The following GABRB2 variants were observed in gnomAD, a reference collection of about 807,000 sequenced individuals.
GABRB2 encodes gamma-aminobutyric acid receptor subunit beta-2.
A neutral mutation model predicts 54.7 loss-of-function variants in GABRB2; 16 were observed. The ratio of observed to expected loss-of-function variants is 0.29; its 90% CI spans 0.20 to 0.44. The LOEUF (loss-of-function observed/expected upper bound fraction) is 0.44, where lower values mean the gene tolerates loss of function less well. GABRB2 is among the 20% of genes least tolerant of loss of function. The pLI, the probability that GABRB2 is intolerant of heterozygous loss-of-function variation, is 1.00. For synonymous variants in GABRB2, 244 were observed against 233.8 expected (o/e 1.04, Z -0.40); for missense variants, 355 against 644.0 (o/e 0.55, Z 4.86).
rs946070346 is a variant in GABRB2, at chr5:161,292,955, T to G, written c.*1126A>C. The G allele has an allele frequency of 2.6e-5, 4 of 152,164 alleles. No individual in the cohort carries two copies. Among genetic ancestry groups the G allele is most frequent in the Non-Finnish European group, 4.4e-5 (3 of 68,036 alleles). The allele number at this position is 152,164 out of a possible 1,614,324, so 9.4% of individuals were successfully genotyped here. On this transcript the variant is annotated 3_prime_UTR_variant, in exon 10 of 10. Transcript: ENST00000393959. ...CTTTAAAGTGATGAACAAATCCTTC[T>G]CTTGAAATACTCTATTAAATTAAGA... is the stretch of plus-strand genomic sequence containing the variant.
At chr5:161,313,870 G>A (rs1283516468) in intron 9 of GABRB2, among the ~76,000 whole-genome samples, 1 of 152,182 alleles carries the variant, frequency 6.6e-6, no homozygotes, top group African/African-American at 2.4e-5. Context: ...AATCGAGTAG[G>A]TTTGATTATG....
intron 3 of GABRB2, among the ~76,000 whole-genome samples, chr5:161,509,210 T>A (rs964659866): frequency 6.6e-6 from 1 of 152,038 alleles, no homozygotes; most frequent in African/African-American, 2.4e-5. Context: ...ATACAAAGCA[T>A]ATATTAAATA....
At chr5:161,406,359 TA>T (rs1756348865) in intron 5 of GABRB2, among the ~76,000 whole-genome samples, 1 of 151,996 alleles carries the variant, frequency 6.6e-6, no homozygotes, top group South Asian at 2.1e-4. Context: ...AAATGAGACT[TA>T]CTTGGAATGT....
intron 3 of GABRB2, among the ~76,000 whole-genome samples, chr5:161,472,033 CG>C (rs1335772895): frequency 6.6e-6 from 1 of 151,672 alleles, no homozygotes; most frequent in African/African-American, 2.4e-5. Flanking sequence ...TTAACCTTCC[CG>C]AGACACCATG....
Position 161,330,951 on chromosome 5 carries a change from G to T in GABRB2, c.1009C>A (p.Arg337Ser), listed in dbSNP as rs777778428. ...NYIFFGRGPQ[R>S]QKKAAEKAAS... ...GCCTTCTCAGCTGCTTTCTTTTGGC[G>T]TTGGGGCCCCCTCCCAAAGAAGATG... Residue 337 changes from arginine (R) to serine (S), a missense_variant, in exon 8 of 10, where the codon CGC becomes AGC. Physicochemically the swap from Arg to Ser is moderately radical, Grantham distance 110. Transcript: ENST00000393959. The T allele has an allele frequency of 1.9e-6, 3 of 1,614,164 alleles. No individual in the cohort carries two copies. Among genetic ancestry groups the T allele is most frequent in the Admixed American group, 1.7e-5 (1 of 60,026 alleles).
intron 5 of GABRB2, among the ~76,000 whole-genome samples, chr5:161,397,852 A>C (rs1756052015): frequency 6.6e-6 from 1 of 152,176 alleles, no homozygotes. Flanking sequence ...ACTGTCTGGG[A>C]CTGAATCCTG....
intron 9 of GABRB2, among the ~76,000 whole-genome samples, chr5:161,296,946 G>C (rs1432387764): frequency 6.6e-6 from 1 of 152,092 alleles, no homozygotes. Flanking sequence ...AGAAAAACTT[G>C]GAAAAACTAA....
In GABRB2 at chr5:161,463,564, T is replaced by G. The variant is rs1374090303; in HGVS notation, c.238-3720A>C. 6.3e-4 allele frequency among the ~76,000 whole-genome samples: 55 copies of G among 87,508 alleles called. 3 individuals are homozygous for G. The highest frequency in any genetic ancestry group is 1.1e-3 in the Non-Finnish European group (41 of 36,454). The allele number at this position is 87,508 out of a possible 152,430, so 57.4% of individuals were successfully genotyped here. On this transcript the variant is annotated intron_variant, in intron 3 of 9. Transcript: ENST00000393959. ...TTCCAAATATTTTTATTTATATATA[T>G]ATATATATATATATATATATATATA... is the stretch of plus-strand genomic sequence containing the variant.
At chr5:161,326,966 G>A in intron 8 of GABRB2, 3 of 982,602 alleles carry the variant, frequency 3.1e-6, no homozygotes, top group Non-Finnish European at 3.6e-6. Context: ...GCTTAAAAGA[G>A]AAGTAAGGGG....
At chr5:161,488,005 T>A in intron 3 of GABRB2, among the ~76,000 whole-genome samples, 1 of 151,994 alleles carries the variant, frequency 6.6e-6, no homozygotes, top group Admixed American at 6.6e-5. Context: ...TCCATCTCTA[T>A]TAAAATACAG....
At chr5:161,451,906 T>C (rs1028304820) in intron 4 of GABRB2, among the ~76,000 whole-genome samples, 3 of 152,144 alleles carry the variant, frequency 2.0e-5, no homozygotes, top group African/African-American at 2.4e-5. Context: ...GTACTTTTAT[T>C]TTCATAAGAA....
At chr5:161,345,877 A>G (rs1754307479) in intron 5 of GABRB2, among the ~76,000 whole-genome samples, 2 of 152,072 alleles carry the variant, frequency 1.3e-5, no homozygotes, top group African/African-American at 4.8e-5. Flanking sequence ...CTTAATTCAG[A>G]GTGGCATTCA....
chr5:161,337,788 T>C (rs1482653335), intron 5 of GABRB2, among the ~76,000 whole-genome samples: 1 of 151,390 alleles, frequency 6.6e-6, no homozygotes, highest in East Asian at 1.9e-4. Context: ...TCACCCACCC[T>C]CCAAAAAAAA....
At chr5:161,361,874 G>T (rs1025265819) in intron 5 of GABRB2, among the ~76,000 whole-genome samples, 2 of 152,092 alleles carry the variant, frequency 1.3e-5, no homozygotes, top group Admixed American at 6.6e-5. Flanking sequence ...GAATGGTATT[G>T]CCTAGGTTTT....
At chr5:161,522,525 T>A (rs1337037909) in intron 3 of GABRB2, among the ~76,000 whole-genome samples, 1 of 151,782 alleles carries the variant, frequency 6.6e-6, no homozygotes, top group Non-Finnish European at 1.5e-5. Context: ...TAATAAGCAA[T>A]GCTTGTTTTT....
intron 4 of GABRB2, among the ~76,000 whole-genome samples, chr5:161,453,238 A>C (rs929982822): frequency 5.9e-5 from 9 of 152,218 alleles, no homozygotes; most frequent in Non-Finnish European, 1.0e-4. Flanking sequence ...CTTGATGGAA[A>C]TCTCTAAAGA....
chr5:161,485,741 G>A (rs1019281756), intron 3 of GABRB2, among the ~76,000 whole-genome samples: 2 of 151,868 alleles, frequency 1.3e-5, no homozygotes, highest in Non-Finnish European at 2.9e-5. Flanking sequence ...TTCATAGATT[G>A]CCATGTGATT....
chr5:161,419,117 AC>A (rs2113139686), intron 4 of GABRB2, among the ~76,000 whole-genome samples: 1 of 152,274 alleles, frequency 6.6e-6, no homozygotes, highest in South Asian at 2.1e-4. Flanking sequence ...ACAGAGCGAG[AC>A]CCTGTGTCAA....
chr5:161,505,033 C>A (rs1417542576), intron 3 of GABRB2, among the ~76,000 whole-genome samples: 1 of 151,682 alleles, frequency 6.6e-6, no homozygotes, highest in African/African-American at 2.4e-5. Flanking sequence ...ACAAGAAATG[C>A]TGTAAATTCT....
Sources: allele counts gnomAD v4.1 joint callset (sites outside exome capture counted in the v4.1 genomes callset), GRCh38; gene constraint gnomAD v4.1.1; transcripts MANE v1.5; gene names NCBI Gene and HGNC (gene_info 2026-07-23, HGNC 2026-07-21).